The following HS6ST2 variants were observed in gnomAD, a reference collection of about 807,000 sequenced individuals.
The protein encoded by HS6ST2 is heparan sulfate 6-O-sulfotransferase 2.
HS6ST2 carries 17 observed loss-of-function variants against 33.0 expected under a neutral mutation model. That is an observed-to-expected ratio of 0.52 (90% CI 0.35 to 0.77). The LOEUF (loss-of-function observed/expected upper bound fraction) is 0.77, where lower values mean the gene tolerates loss of function less well. Among genes scored for constraint, HS6ST2 ranks in the 30% least tolerant of loss-of-function variants. The pLI, the probability that HS6ST2 is intolerant of heterozygous loss-of-function variation, is 0.01. For synonymous variants in HS6ST2, 248 were observed against 237.1 expected (o/e 1.05, Z -0.42); for missense variants, 519 against 551.7 (o/e 0.94, Z 0.59).
intron 2 of HS6ST2, among the ~76,000 whole-genome samples, chrX:132,851,903 G>A (rs747656260): frequency 8.9e-6 from 1 of 111,797 alleles, no homozygotes; most frequent in Admixed American, 9.5e-5. Context: ...CACTTTGGGA[G>A]GCTAAGGAGA....
chrX:132,658,358 T>C (rs2063746237), intron 4 of HS6ST2, among the ~76,000 whole-genome samples: 1 of 112,391 alleles, frequency 8.9e-6, no homozygotes, highest in African/African-American at 3.2e-5. Context: ...ATAAATGTTA[T>C]TTCTTATTAT....
intron 2 of HS6ST2, among the ~76,000 whole-genome samples, chrX:132,749,119 C>T (rs2064675686): frequency 8.9e-6 from 1 of 112,171 alleles, no homozygotes; most frequent in Non-Finnish European, 1.9e-5. Context: ...TTTCCTGACC[C>T]TCTCCCCTCA....
intron 3 of HS6ST2, among the ~76,000 whole-genome samples, chrX:132,687,817 C>T (rs757668420): frequency 1.9e-3 from 208 of 110,678 alleles, no homozygotes; most frequent in African/African-American, 6.7e-3. Flanking sequence ...GGCGCAATCT[C>T]GGCTCACTGC....
intron 2 of HS6ST2, among the ~76,000 whole-genome samples, chrX:132,869,939 A>ATT (rs1324470093): frequency 7.2e-5 from 8 of 111,606 alleles, no homozygotes; most frequent in Non-Finnish European, 1.3e-4. Flanking sequence ...AGAGAAAGAA[A>ATT]TAAAGGGTAT....
intron 4 of HS6ST2, among the ~76,000 whole-genome samples, chrX:132,632,913 C>CA (rs1230926061): frequency 9.2e-6 from 1 of 108,769 alleles, no homozygotes; most frequent in Non-Finnish European, 1.9e-5. Flanking sequence ...CCTGTCTCTG[C>CA]AAAAAATAGA....
At chrX:132,743,093 G>A (rs113761331) in intron 2 of HS6ST2, among the ~76,000 whole-genome samples, 2,092 of 112,253 alleles carry the variant, frequency 0.019, 19 homozygotes, top group Non-Finnish European at 0.029. Flanking sequence ...ATTAAAAAAC[G>A]CAACCAAAAT....
chrX:132,747,536 C>T (rs1273173679), intron 2 of HS6ST2, among the ~76,000 whole-genome samples: 3 of 110,842 alleles, frequency 2.7e-5, no homozygotes, highest in South Asian at 4.0e-4. Flanking sequence ...GACTGCAGCC[C>T]ATAGTTGCAA....
At chrX:132,830,428 G>A (rs1159483992) in intron 2 of HS6ST2, among the ~76,000 whole-genome samples, 4 of 111,754 alleles carry the variant, frequency 3.6e-5, no homozygotes, top group Middle Eastern at 4.6e-3. Flanking sequence ...CTGTCATCTC[G>A]TAAGAAATTC....
chrX:132,947,338 T>C (rs967114886), intron 2 of HS6ST2, among the ~76,000 whole-genome samples: 5 of 110,671 alleles, frequency 4.5e-5, no homozygotes, highest in Non-Finnish European at 9.4e-5. Flanking sequence ...AAATCCTCTG[T>C]ATCCTTATTC....
At chrX:132,703,535 A>G (rs1306341787) in intron 3 of HS6ST2, among the ~76,000 whole-genome samples, 2 of 112,390 alleles carry the variant, frequency 1.8e-5, no homozygotes, top group Non-Finnish European at 3.8e-5. Context: ...CCTCTGTGCT[A>G]AAGATATCAG....
intron 2 of HS6ST2, among the ~76,000 whole-genome samples, chrX:132,776,137 T>C (rs1184377070): frequency 8.9e-6 from 1 of 111,912 alleles, no homozygotes; most frequent in Non-Finnish European, 1.9e-5. Flanking sequence ...AATAAGATAA[T>C]ACATTGCCAT....
intron 3 of HS6ST2, among the ~76,000 whole-genome samples, chrX:132,698,595 C>A (rs2064120030): frequency 9.0e-6 from 1 of 111,618 alleles, no homozygotes; most frequent in Non-Finnish European, 1.9e-5. Context: ...CATTTGGGGG[C>A]AAAACTTTTA....
intron 2 of HS6ST2, among the ~76,000 whole-genome samples, chrX:132,807,336 TAA>T (rs2065293686): frequency 9.0e-6 from 1 of 110,710 alleles, no homozygotes; most frequent in Admixed American, 9.6e-5. Context: ...ACTTAAAATT[TAA>T]AGAGTTGAAA....
intron 2 of HS6ST2, among the ~76,000 whole-genome samples, chrX:132,867,690 T>C (rs2066004963): frequency 9.0e-6 from 1 of 111,654 alleles, no homozygotes; most frequent in Non-Finnish European, 1.9e-5. Flanking sequence ...GAAACTGAGC[T>C]TCATAAGCAA....
At chrX:132,850,997 G>T (rs1460005263) in intron 2 of HS6ST2, among the ~76,000 whole-genome samples, 2 of 111,711 alleles carry the variant, frequency 1.8e-5, no homozygotes, top group African/African-American at 6.5e-5. Context: ...ACAATTAATG[G>T]TCTATTTTTT....
chrX:132,925,786 T>C (rs2066704260), intron 2 of HS6ST2, among the ~76,000 whole-genome samples: 1 of 112,201 alleles, frequency 8.9e-6, no homozygotes, highest in Admixed American at 9.5e-5. Context: ...ATGTTATTAA[T>C]AGAATGAAAC....
chrX:132,939,616 G>A (rs897838439), intron 2 of HS6ST2, among the ~76,000 whole-genome samples: 5 of 111,131 alleles, frequency 4.5e-5, no homozygotes, highest in African/African-American at 1.3e-4. Context: ...CAGAGACTCC[G>A]TTGCAAAACA....
In HS6ST2 at chrX:132,647,548, G is replaced by A. The variant is rs59843512; in HGVS notation, c.1068-18455C>T. Among the ~76,000 whole-genome samples, 583 of 112,123 alleles carry A rather than the reference G, an allele frequency of 5.2e-3. 5 individuals are homozygous for A. Among genetic ancestry groups the A allele is most frequent in the African/African-American group, 0.017 (540 of 30,882 alleles). On this transcript the variant is annotated intron_variant, in intron 4 of 4. Transcript: ENST00000370833. The stretch of plus-strand genomic sequence containing the variant: ...CACTTTTCCCCTTATTCCCCTGCTG[G>A]AGAGTCCCAAAACTCCTAGGCAGGC...
At chrX:132,635,460 T>C (rs2063546140) in intron 4 of HS6ST2, among the ~76,000 whole-genome samples, 1 of 111,489 alleles carries the variant, frequency 9.0e-6, no homozygotes, top group Admixed American at 9.6e-5. Flanking sequence ...CCCTATCAAC[T>C]ATGACATGAA....
Sources: gnomAD v4.1 joint callset for allele counts (sites outside exome capture counted in the v4.1 genomes callset) on GRCh38, gnomAD v4.1.1 for gene constraint, MANE v1.5 for transcripts, NCBI Gene and HGNC (gene_info 2026-07-23, HGNC 2026-07-21) for gene names.